Variants in CDH7 observed in about 807,000 individuals in gnomAD.
The protein encoded by CDH7 is cadherin 7.
In CDH7, 25 loss-of-function variants were observed where a neutral mutation model predicts 71.8. The ratio of observed to expected loss-of-function variants is 0.35; its 90% confidence interval spans 0.25 to 0.49. CDH7 has a LOEUF of 0.49. Ranked by LOEUF, CDH7 falls within the 20% of genes least tolerant of loss-of-function variation. The pLI, the probability that CDH7 is intolerant of heterozygous loss-of-function variation, is 0.99. For synonymous variants in CDH7, 381 were observed against 363.8 expected (o/e 1.05, Z -0.54); for missense variants, 862 against 974.6 (o/e 0.88, Z 1.54).
chr18:65,789,759 G>A (rs938279512), intron 2 of CDH7, among the ~76,000 whole-genome samples: 1 of 152,098 alleles, frequency 6.6e-6, no homozygotes, highest in Non-Finnish European at 1.5e-5. Flanking sequence ...ATCTTAGGAG[G>A]CATCTAGGCA....
rs895580370 is a variant in CDH7, at chr18:65,883,245, T to G, written c.*2351T>G. The G allele has an allele frequency of 6.6e-6, 1 of 152,052 alleles. No individual in the cohort carries two copies. The highest frequency in any genetic ancestry group is 1.5e-5 in the Non-Finnish European group (1 of 67,944). The allele number at this position is 152,052 out of a possible 1,614,324, so 9.4% of individuals were successfully genotyped here. ...TATTTTTTAATTAAAAAAATTAATT[T>G]AAAAAATTAATTTTTGAGATGGCTG... On this transcript the variant is annotated 3_prime_UTR_variant, in exon 12 of 12. Transcript: ENST00000397968.
chr18:65,761,429 G>A (rs1916188917), intron 1 of CDH7, among the ~76,000 whole-genome samples: 1 of 151,048 alleles, frequency 6.6e-6, no homozygotes, highest in South Asian at 2.1e-4. Flanking sequence ...TTACAGAAGG[G>A]ACAGGTAGAA....
In CDH7 at chr18:65,885,002, T is replaced by A. The variant is rs1474485065; in HGVS notation, c.*4108T>A. The A allele has an allele frequency of 6.6e-6, 1 of 152,172 alleles. No homozygotes were observed. Among genetic ancestry groups the A allele is most frequent in the East Asian group, 1.9e-4 (1 of 5,200 alleles). 9.4% of individuals were successfully genotyped at this position (152,172 alleles called of 1,614,324 possible). The stretch of plus-strand genomic sequence containing the variant: ...ACAAATAATAGATAAACCAATTTAT[T>A]TTCTGTTAGTGTATGTTTATTTTTT... On this transcript the variant is annotated 3_prime_UTR_variant, in exon 12 of 12. Transcript: ENST00000397968.
intron 6 of CDH7, among the ~76,000 whole-genome samples, chr18:65,840,867 T>G (rs1912707511): frequency 6.6e-6 from 1 of 152,300 alleles, no homozygotes. Context: ...TATTTTTTTC[T>G]ATTTCCTTAT....
intron 2 of CDH7, among the ~76,000 whole-genome samples, chr18:65,778,821 C>G (rs1357067780): frequency 6.6e-6 from 1 of 151,800 alleles, no homozygotes; most frequent in Non-Finnish European, 1.5e-5. Context: ...AGCAGCACGT[C>G]CCCACAAAAC....
At chr18:65,829,159 G>A (rs374465232) in intron 6 of CDH7, among the ~76,000 whole-genome samples, 5 of 110,340 alleles carry the variant, frequency 4.5e-5, no homozygotes, top group Admixed American at 2.0e-4. Flanking sequence ...TCGCTTTGTC[G>A]CCCAGGCTGG....
At chr18:65,757,561 A>C (rs1916065570) in intron 1 of CDH7, among the ~76,000 whole-genome samples, 1 of 152,122 alleles carries the variant, frequency 6.6e-6, no homozygotes, top group Non-Finnish European at 1.5e-5. Flanking sequence ...TTAGCCTTAA[A>C]ATATCAAACA....
chr18:65,801,490 T>C (rs1413496780), intron 2 of CDH7, among the ~76,000 whole-genome samples: 2 of 152,204 alleles, frequency 1.3e-5, no homozygotes, highest in Non-Finnish European at 2.9e-5. Context: ...GACCAACTTT[T>C]CTAAATAAAT....
intron 5 of CDH7, 22 bp from the exon 6 acceptor site, chr18:65,824,622 T>C (rs766063806): frequency 2.0e-6 from 3 of 1,497,402 alleles, no homozygotes; most frequent in East Asian, 2.3e-5. Context: ...AACGTGTTCA[T>C]TTCTTGCTTT....
chr18:65,840,920 G>A (rs1156227), intron 6 of CDH7, among the ~76,000 whole-genome samples: 147,493 of 152,172 alleles, frequency 0.97, 71,625 homozygotes, highest in East Asian at 1. Context: ...TATAATCTTA[G>A]TAATTAATTC....
At chr18:65,880,293 T>C in intron 11 of CDH7, 108 bp from the exon 12 acceptor site, 1 of 1,186,298 alleles carries the variant, frequency 8.4e-7, no homozygotes, top group African/African-American at 1.5e-5. Flanking sequence ...TTCATTTCTC[T>C]TTAAAGGGAA....
chr18:65,791,809 T>G (rs1379672065), intron 2 of CDH7, among the ~76,000 whole-genome samples: 2 of 152,190 alleles, frequency 1.3e-5, no homozygotes, highest in Non-Finnish European at 2.9e-5. Flanking sequence ...CATAATTTCT[T>G]TAGAATATGG....
chr18:65,758,482 T>A lies in CDH7; in HGVS notation c.-196-4165T>A, dbSNP rs143278879. ...AAAATACTGGGGAACACGTGAAACA[T>A]CCTCACTTCAGATCACAATGGTTCA... On this transcript the variant is annotated intron_variant, in intron 1 of 11. Transcript: ENST00000397968. 5.3e-5 allele frequency among the ~76,000 whole-genome samples: 8 copies of A among 152,286 alleles called. No individual in the cohort carries two copies. In the East Asian group the frequency reaches 1.5e-3, roughly 29 times the overall value.
At chr18:65,793,303 C>T (rs544394563) in intron 2 of CDH7, among the ~76,000 whole-genome samples, 8 of 151,496 alleles carry the variant, frequency 5.3e-5, no homozygotes, top group African/African-American at 1.5e-4. Context: ...TGCGGTGTCA[C>T]GTGTGTGTCA....
At chr18:65,812,233 A>C (rs139568950) in intron 3 of CDH7, among the ~76,000 whole-genome samples, 2,437 of 151,954 alleles carry the variant, frequency 0.016, 54 homozygotes, top group African/African-American at 0.055. Context: ...TCCCAAAGTG[A>C]TGGGATTACA....
At position 65,886,430 on chromosome 18, in the gene CDH7, G is replaced by A. The variant is rs1048543137; in HGVS notation, c.*5536G>A. 6.6e-6 allele frequency: 1 copy of A among 151,956 alleles called. No homozygotes were observed. The highest frequency in any genetic ancestry group is 1.5e-5 in the Non-Finnish European group (1 of 67,972). 9.4% of individuals were successfully genotyped at this position (151,956 alleles called of 1,614,324 possible). A position where few individuals can be genotyped will look rare whatever the true frequency, so the allele number is the denominator to read the frequency against. ...AAATACAGTTATTTATAAGATCTCA[G>A]AAGATTGCAGTTTAACTCAACATAA... On this transcript the variant is annotated 3_prime_UTR_variant, in exon 12 of 12. Transcript: ENST00000397968.
intron 11 of CDH7, among the ~76,000 whole-genome samples, chr18:65,869,332 C>T (rs894654572): frequency 5.9e-5 from 9 of 151,722 alleles, no homozygotes; most frequent in East Asian, 1.9e-4. Context: ...TTTGAAACAC[C>T]GCAGCTTAAA....
At chr18:65,838,510 C>A (rs1912614740) in intron 6 of CDH7, among the ~76,000 whole-genome samples, 1 of 152,132 alleles carries the variant, frequency 6.6e-6, no homozygotes, top group South Asian at 2.1e-4. Flanking sequence ...CATACACTAT[C>A]CAGCCCTGAT....
At chr18:65,785,033 T>C in intron 2 of CDH7, among the ~76,000 whole-genome samples, 1 of 152,232 alleles carries the variant, frequency 6.6e-6, no homozygotes, top group Non-Finnish European at 1.5e-5. Flanking sequence ...CTGTGGCAAC[T>C]GCAGTTCAAT....
Sources: gnomAD v4.1 joint callset for allele counts (sites outside exome capture counted in the v4.1 genomes callset) on GRCh38, gnomAD v4.1.1 for gene constraint, MANE v1.5 for transcripts, NCBI Gene and HGNC (gene_info 2026-07-23, HGNC 2026-07-21) for gene names.